The following GRIP2 variants were observed in gnomAD, a reference collection of about 807,000 sequenced individuals.
GRIP2 encodes the protein glutamate receptor interacting protein 2.
GRIP2 carries 58 observed loss-of-function variants against 108.3 expected under a neutral mutation model. The ratio of observed to expected loss-of-function variants is 0.54; its 90% CI spans 0.43 to 0.67. GRIP2 has a LOEUF of 0.67. Among genes scored for constraint, GRIP2 ranks in the 30% least tolerant of loss-of-function variants. The pLI, the probability that GRIP2 is intolerant of heterozygous loss-of-function variation, is 0.00. For synonymous variants in GRIP2, 586 were observed against 598.2 expected, an observed-to-expected ratio of 0.98 and a Z score of 0.30; for missense variants, 1,278 against 1,430.6, an observed-to-expected ratio of 0.89 and a Z score of 1.72.
Position 14,509,937 on chromosome 3 carries a change from C to T in GRIP2, c.1961G>A (p.Ser654Asn). 6.5e-7 allele frequency: 1 copy of T among 1,535,968 alleles called. No homozygotes were observed. The highest frequency in any genetic ancestry group is 8.8e-7 in the Non-Finnish European group (1 of 1,138,816). The change falls in exon 17 of 24, where the codon AGT (serine) becomes AAT (asparagine). Residue 654 changes from serine (S) to asparagine (N), a missense_variant. By Grantham distance (46) the Ser-to-Asn change is conservative. Transcript: ENST00000621039. ...SDELETTGAV[S>N]YTVELKRYGG... is the part of the protein sequence containing the mutation. ...GTAGCGCTTCAGCTCCACTGTGTAA[C>T]TGACGGCACCTGTGGTCTCCAGCTC...
the GRIP2 span, among the ~76,000 whole-genome samples, chr3:14,600,337 T>C: frequency 9.8e-5 from 15 of 152,338 alleles, no homozygotes; most frequent in Admixed American, 7.2e-4. Context: ...TATGTTAGCA[T>C]TGACTCTTTC....
At chr3:14,585,425 A>G in the GRIP2 span, among the ~76,000 whole-genome samples, 4 of 152,248 alleles carry the variant, frequency 2.6e-5, no homozygotes, top group South Asian at 2.1e-4. Flanking sequence ...CAGCCTCCAT[A>G]TAGCTCTGGG....
the GRIP2 span, among the ~76,000 whole-genome samples, chr3:14,565,063 CA>C: frequency 5.3e-5 from 8 of 152,330 alleles, no homozygotes; most frequent in African/African-American, 1.2e-4. Context: ...GTCTCTGTGC[CA>C]GGGGGTCTGC....
intron 23 of GRIP2, 138 bp downstream of exon 23, chr3:14,494,705 C>T (rs1270245241): frequency 1.5e-5 from 16 of 1,036,306 alleles, no homozygotes; most frequent in Admixed American, 6.2e-5. Context: ...TGCTGGGGCC[C>T]GCAATGCAAC....
intron 1 of GRIP2, among the ~76,000 whole-genome samples, chr3:14,553,091 C>T (rs896738400): frequency 6.8e-6 from 1 of 146,764 alleles, no homozygotes; most frequent in African/African-American, 2.5e-5. Flanking sequence ...TTCAAGCCTC[C>T]AGGCATTTTC....
the GRIP2 span, chr3:14,572,891 A>G: frequency 7.9e-7 from 1 of 1,270,018 alleles, no homozygotes; most frequent in Non-Finnish European, 1.1e-6. Context: ...CGCAGAAATT[A>G]TCAGTGAAGG....
upstream of GRIP2, among the ~76,000 whole-genome samples, chr3:14,560,292 G>A (rs908306996): frequency 2.0e-5 from 3 of 152,082 alleles, no homozygotes; most frequent in African/African-American, 2.4e-5. Flanking sequence ...CAAAAAGCAC[G>A]TGTATGTATA....
chr3:14,509,050 C>A (rs1694009090), intron 17 of GRIP2, among the ~76,000 whole-genome samples: 1 of 152,022 alleles, frequency 6.6e-6, no homozygotes, highest in African/African-American at 2.4e-5. Context: ...GGTTCCACAC[C>A]GACCTCTGCA....
chr3:14,571,346 C>T, the GRIP2 span, among the ~76,000 whole-genome samples: 1 of 152,120 alleles, frequency 6.6e-6, no homozygotes, highest in South Asian at 2.1e-4. Flanking sequence ...GTCAGATCTC[C>T]CCTCCCTCCA....
the GRIP2 span, among the ~76,000 whole-genome samples, chr3:14,575,017 A>G: frequency 1.3e-5 from 2 of 152,198 alleles, no homozygotes; most frequent in African/African-American, 2.4e-5. Context: ...ATGATTTTCA[A>G]AAAAGGTCAG....
At position 14,507,902 on chromosome 3, in the gene GRIP2, G is replaced by A. The variant is rs9826072; in HGVS notation, c.2079-202C>T. Among the ~76,000 whole-genome samples, 10,032 of 152,244 alleles carry A rather than the reference G, an allele frequency of 0.066. 461 individuals are homozygous for A. Among genetic ancestry groups the A allele is most frequent in the South Asian group, 0.14 (691 of 4,816 alleles). The stretch of plus-strand genomic sequence containing the variant: ...GAGACATAAAGTCTAGAACCTGGGA[G>A]GGGATTGTCCCACCTGACTGCAAAA... On this transcript the variant is annotated intron_variant, in intron 17 of 23. Coordinates refer to ENST00000621039, the MANE Select transcript of GRIP2 (RefSeq NM_001080423.4). The surrounding 1 kb of genome is among the most constrained non-coding windows in gnomAD (Gnocchi z 4.6).
At chr3:14,544,086 C>T (rs1308034739), upstream of GRIP2, among the ~76,000 whole-genome samples, 1 of 152,238 alleles carries the variant, frequency 6.6e-6, no homozygotes, top group African/African-American at 2.4e-5. Context: ...CAGACATGCC[C>T]AGGTTCGAAT....
rs1269906141 is a variant in GRIP2 at position 14,512,108 on chromosome 3, T to C, written c.1721-629A>G. Among the ~76,000 whole-genome samples, 1 of 151,104 alleles carries C rather than the reference T, an allele frequency of 6.6e-6. No homozygotes were observed. Among genetic ancestry groups the C allele is most frequent in the Admixed American group, 6.6e-5 (1 of 15,204 alleles). On this transcript the variant is annotated intron_variant, in intron 14 of 23. Transcript: ENST00000621039. The surrounding 1 kb of genome is among the most constrained non-coding windows in gnomAD (Gnocchi z 5.1). ...CATTTGGGCAAAGCCATGAAGGAGG[T>C]AGGGAAGAGGCCAGAGGAACGGTCT...
At chr3:14,530,073 AG>A (rs1401739968) in intron 1 of GRIP2, among the ~76,000 whole-genome samples, 6 of 152,242 alleles carry the variant, frequency 3.9e-5, no homozygotes, top group Non-Finnish European at 7.3e-5. Context: ...ACCAGAAACA[AG>A]GGGCACACCT....
rs1312621197 is a variant in GRIP2 at position 14,493,837 on chromosome 3, C to T, written c.2971-11G>A. The T allele has an allele frequency of 1.2e-6, 2 of 1,607,950 alleles. No homozygotes were observed. Among genetic ancestry groups the T allele is most frequent in the Non-Finnish European group, 1.7e-6 (2 of 1,175,918 alleles). On this transcript the variant is annotated splice_polypyrimidine_tract_variant and intron_variant, in intron 23 of 23. Transcript: ENST00000621039. ...ACGGACGTGGTTGACCTGCATGGGG[C>T]ACAAGCAAGGGAACAGAACCGAGAT...
chr3:14,584,550 C>A, the GRIP2 span, among the ~76,000 whole-genome samples: 4 of 152,184 alleles, frequency 2.6e-5, no homozygotes, highest in Non-Finnish European at 4.4e-5. Flanking sequence ...AAGAGGATTT[C>A]GCTGTGTGGA....
At chr3:14,555,810 C>T (rs989004032) in intron 1 of GRIP2, 30 of 399,522 alleles carry the variant, frequency 7.5e-5, no homozygotes, top group Admixed American at 7.5e-4. Flanking sequence ...GCGAGAGAGA[C>T]GGGGAGGGAG....
chr3:14,556,747 T>A (rs1695242568), upstream of GRIP2, among the ~76,000 whole-genome samples: 1 of 152,220 alleles, frequency 6.6e-6, no homozygotes, highest in Non-Finnish European at 1.5e-5. Context: ...CAGCATCCCT[T>A]CTTGTCGTAC....
chr3:14,595,700 T>C, the GRIP2 span, among the ~76,000 whole-genome samples: 3 of 152,182 alleles, frequency 2.0e-5, no homozygotes, highest in South Asian at 6.2e-4. Flanking sequence ...GGGATGGAGA[T>C]GCACACACGC....
Sources: gnomAD v4.1 joint callset for allele counts (sites outside exome capture counted in the v4.1 genomes callset) on GRCh38, gnomAD v4.1.1 for gene constraint, Gnocchi (gnomAD v3.1) non-coding constraint, MANE v1.5 for transcripts, NCBI Gene and HGNC (gene_info 2026-07-23, HGNC 2026-07-21) for gene names.